Variants in HACD2 observed in about 807,000 individuals in gnomAD.
HACD2 encodes 3-hydroxyacyl-CoA dehydratase 2, also known as very-long-chain (3R)-3-hydroxyacyl-CoA dehydratase 2.
Under a neutral mutation model 31.0 loss-of-function variants are expected in HACD2, and 15 were observed. That is an observed-to-expected ratio of 0.48 (90% CI 0.32 to 0.75). HACD2 has a LOEUF of 0.75. HACD2 is among the 30% of genes least tolerant of loss of function. HACD2 has a pLI of 0.03. For missense variants in HACD2, 283 were observed against 313.0 expected, an observed-to-expected ratio of 0.90 and a Z score of 0.72; for synonymous variants, 115 against 122.2, an observed-to-expected ratio of 0.94 and a Z score of 0.39.
chr3:123,563,968 C>T (rs1349900680), intron 3 of HACD2, among the ~76,000 whole-genome samples: 1 of 152,082 alleles, frequency 6.6e-6, no homozygotes, highest in Non-Finnish European at 1.5e-5. Flanking sequence ...TACTGAGGTC[C>T]CAAGTAGGGA....
At chr3:123,556,376 G>A (rs1245595366) in intron 3 of HACD2, among the ~76,000 whole-genome samples, 2 of 150,926 alleles carry the variant, frequency 1.3e-5, no homozygotes, top group Non-Finnish European at 2.9e-5. Flanking sequence ...GATCAAGGCT[G>A]CAGCGAGCCA....
In HACD2 at chr3:123,496,570, C is replaced by T. The variant is rs555393143; in HGVS notation, c.683-1600G>A. Among the ~76,000 whole-genome samples the T allele has an allele frequency of 3.9e-5, 6 of 152,274 alleles. No homozygotes were observed. In the South Asian group the frequency reaches 1.2e-3, roughly 32 times the overall value. On this transcript the variant is annotated intron_variant, in intron 6 of 6. Coordinates refer to ENST00000383657, the MANE Select transcript of HACD2 (RefSeq NM_198402.5). ...CTACTGCCAGGCAGGACGTCGTTCA[C>T]AGAAAAGACCCCACTTAAGCATATA... is the stretch of plus-strand genomic sequence containing the variant.
intron 4 of HACD2, among the ~76,000 whole-genome samples, chr3:123,514,038 G>C (rs1207401981): frequency 6.6e-6 from 1 of 152,208 alleles, no homozygotes. Context: ...ACTTTGGGAA[G>C]CTGAGGCGGG....
chr3:123,515,985 C>G (rs1344447228), intron 4 of HACD2, among the ~76,000 whole-genome samples: 1 of 152,068 alleles, frequency 6.6e-6, no homozygotes, highest in Non-Finnish European at 1.5e-5. Context: ...GTCTCAAACT[C>G]CTGATCTTAA....
intron 4 of HACD2, among the ~76,000 whole-genome samples, chr3:123,514,875 C>T (rs2056113605): frequency 6.6e-6 from 1 of 152,296 alleles, no homozygotes; most frequent in African/African-American, 2.4e-5. Flanking sequence ...TAAATTTTCA[C>T]CAGCTAACTG....
chr3:123,530,678 A>AT (rs1177241522), intron 3 of HACD2, among the ~76,000 whole-genome samples: 2 of 151,986 alleles, frequency 1.3e-5, no homozygotes, highest in Non-Finnish European at 2.9e-5. Context: ...AAGTGCTGGG[A>AT]TTACAGGCGT....
intron 6 of HACD2, among the ~76,000 whole-genome samples, chr3:123,499,045 T>C (rs1379578435): frequency 6.6e-6 from 1 of 152,224 alleles, no homozygotes; most frequent in Non-Finnish European, 1.5e-5. Flanking sequence ...CCTAGATTTT[T>C]GTCAGTGTGG....
intron 2 of HACD2, among the ~76,000 whole-genome samples, chr3:123,570,943 C>T (rs914230232): frequency 6.7e-6 from 1 of 149,666 alleles, no homozygotes; most frequent in Non-Finnish European, 1.5e-5. Context: ...CACACACACA[C>T]ATACACACAC....
chr3:123,528,825 G>A (rs1425710441), intron 3 of HACD2, among the ~76,000 whole-genome samples: 2 of 151,986 alleles, frequency 1.3e-5, no homozygotes, highest in Non-Finnish European at 2.9e-5. Flanking sequence ...TTTACAATAC[G>A]GGTTTCAAAA....
At chr3:123,558,442 A>G (rs866937592) in intron 3 of HACD2, among the ~76,000 whole-genome samples, 2 of 152,224 alleles carry the variant, frequency 1.3e-5, no homozygotes, top group Middle Eastern at 3.2e-3. Flanking sequence ...ACATTAATCA[A>G]TTGTAACAAA....
intron 4 of HACD2, among the ~76,000 whole-genome samples, chr3:123,526,731 G>A (rs933418343): frequency 1.3e-4 from 20 of 152,108 alleles, no homozygotes; most frequent in Non-Finnish European, 4.4e-5. Context: ...GCATGGTTAT[G>A]GAGGATGACA....
chr3:123,536,942 C>A (rs1014476112), intron 3 of HACD2, among the ~76,000 whole-genome samples: 6 of 152,128 alleles, frequency 3.9e-5, no homozygotes, highest in African/African-American at 1.4e-4. Flanking sequence ...GAAACACAAG[C>A]TGTCAGAAAC....
At chr3:123,581,269 T>C (rs1034912893) in intron 2 of HACD2, among the ~76,000 whole-genome samples, 2 of 152,166 alleles carry the variant, frequency 1.3e-5, no homozygotes, top group African/African-American at 2.4e-5. Context: ...CATAATGAAA[T>C]ATACGAACTA....
intron 4 of HACD2, among the ~76,000 whole-genome samples, chr3:123,504,531 A>T (rs1287262404): frequency 1.6e-5 from 2 of 128,958 alleles, no homozygotes; most frequent in South Asian, 2.3e-4. Context: ...TCAAATAGGT[A>T]AAAAAAAAAA....
chr3:123,526,428 A>C (rs530349391), intron 4 of HACD2, among the ~76,000 whole-genome samples: 1 of 152,232 alleles, frequency 6.6e-6, no homozygotes, highest in Admixed American at 6.5e-5. Flanking sequence ...TCAACAGTGC[A>C]TATGTAAAAA....
At chr3:123,530,487 C>T (rs1481994003) in intron 3 of HACD2, among the ~76,000 whole-genome samples, 2 of 151,412 alleles carry the variant, frequency 1.3e-5, no homozygotes, top group East Asian at 3.9e-4. Flanking sequence ...CAGCTCACTG[C>T]AACCTCCAAC....
At chr3:123,508,774 GAAC>G (rs2056010985) in intron 4 of HACD2, among the ~76,000 whole-genome samples, 1 of 152,172 alleles carries the variant, frequency 6.6e-6, no homozygotes, top group Non-Finnish European at 1.5e-5. Flanking sequence ...TGCCATAACA[GAAC>G]ACCATAGACT....
chr3:123,510,010 T>G (rs1434642126), intron 4 of HACD2, among the ~76,000 whole-genome samples: 1 of 152,154 alleles, frequency 6.6e-6, no homozygotes, highest in Non-Finnish European at 1.5e-5. Flanking sequence ...TAAAATAAAA[T>G]TTATCATTTA....
At chr3:123,562,869 G>A (rs893994563) in intron 3 of HACD2, among the ~76,000 whole-genome samples, 1 of 152,124 alleles carries the variant, frequency 6.6e-6, no homozygotes, top group Non-Finnish European at 1.5e-5. Context: ...GAATGCTACC[G>A]AAAAATAAAC....
Sources: allele counts gnomAD v4.1 joint callset (sites outside exome capture counted in the v4.1 genomes callset), GRCh38; gene constraint gnomAD v4.1.1; transcripts MANE v1.5; gene names NCBI Gene and HGNC (gene_info 2026-07-23, HGNC 2026-07-21).